Variants in DNAJC1 observed in about 807,000 individuals in gnomAD.
DNAJC1 encodes the protein dnaJ homolog subfamily C member 1.
A neutral mutation model predicts 76.6 loss-of-function variants in DNAJC1; 58 were observed. The observed-to-expected ratio is 0.76, with a 90% CI of 0.61 to 0.94. The LOEUF is 0.94. Among genes scored for constraint, DNAJC1 ranks in the 40% least tolerant of loss-of-function variants. The pLI, the probability that DNAJC1 is intolerant of heterozygous loss-of-function variation, is 0.00. For synonymous variants in DNAJC1, 258 were observed against 267.9 expected (o/e 0.96, Z 0.36); for missense variants, 689 against 677.3 (o/e 1.02, Z -0.19).
At chr10:21,958,370 T>C (rs1174891206) in intron 1 of DNAJC1, among the ~76,000 whole-genome samples, 1 of 152,164 alleles carries the variant, frequency 6.6e-6, no homozygotes, top group African/African-American at 2.4e-5. Context: ...CACGATAATC[T>C]AGTTTTAGAA....
At chr10:21,850,443 C>T (rs1264254471) in intron 8 of DNAJC1, among the ~76,000 whole-genome samples, 1 of 151,434 alleles carries the variant, frequency 6.6e-6, no homozygotes, top group East Asian at 2.0e-4. Context: ...AATTACAAAA[C>T]ACTGCTGAAA....
chr10:22,003,623 C>G lies in DNAJC1; in HGVS notation c.-189G>C. ...CGGCGGGAGCCGGCTGCCGGACGGGCGGGTGGGTAGGCGGGCGGGGCCGCA... is the reference window on the plus strand; with the variant it reads ...CGGCGGGAGCCGGCTGCCGGACGGGGGGGTGGGTAGGCGGGCGGGGCCGCA... On this transcript the variant is annotated 5_prime_UTR_variant, in exon 1 of 12. Coordinates refer to ENST00000376980, the MANE Select transcript of DNAJC1 (RefSeq NM_022365.4). The G allele has an allele frequency of 8.2e-6, 4 of 489,436 alleles. No individual in the cohort carries two copies. Among genetic ancestry groups the G allele is most frequent in the Non-Finnish European group, 1.2e-5 (4 of 321,944 alleles). 30.3% of individuals were successfully genotyped at this position (489,436 alleles called of 1,614,324 possible).
In DNAJC1 at chr10:21,883,251, A is replaced by AACACACACACACACACACAC. The variant is rs3032395; in HGVS notation, c.821-832_821-813dup. Among the ~76,000 whole-genome samples, 195 of 129,018 alleles carry AACACACACACACACACACAC rather than the reference A, an allele frequency of 1.5e-3. 4 individuals are homozygous for AACACACACACACACACACAC. Among genetic ancestry groups the AACACACACACACACACACAC allele is most frequent in the Middle Eastern group, 4.0e-3 (1 of 248 alleles). 84.6% of individuals were successfully genotyped at this position (129,018 alleles called of 152,430 possible). On this transcript the variant is annotated intron_variant, in intron 7 of 11. Transcript: ENST00000376980. Reference sequence around the variant, plus strand: ...GGTGACAGAGTGAGATTCTATCTCAAACACACACACACACACACACACACA... The same window carrying AACACACACACACACACACAC: ...GGTGACAGAGTGAGATTCTATCTCAAACACACACACACACACACACACACACACACACACACACACACACA...
chr10:21,900,656 T>G (rs1379251783), intron 7 of DNAJC1, among the ~76,000 whole-genome samples: 1 of 152,204 alleles, frequency 6.6e-6, no homozygotes, highest in African/African-American at 2.4e-5. Context: ...TCTGCCTACA[T>G]ATAAACTGTT....
intron 8 of DNAJC1, among the ~76,000 whole-genome samples, chr10:21,813,216 CTCTCTA>C (rs1446586307): frequency 6.2e-3 from 220 of 35,450 alleles, no homozygotes; most frequent in East Asian, 7.9e-3. Flanking sequence ...CTCTCTCTCT[CTCTCTA>C]TATATATATA....
rs759864306 is a variant in DNAJC1, at chr10:21,806,035, C to T, written c.1043G>A (p.Gly348Glu). 2 of 1,611,872 alleles carry T rather than the reference C, an allele frequency of 1.2e-6. No individual in the cohort carries two copies. Among genetic ancestry groups the T allele is most frequent in the Admixed American group, 1.7e-5 (1 of 59,902 alleles). Residue 348 changes from glycine (G) to glutamate (E), a missense_variant, in exon 9 of 12, where the codon GGG becomes GAG. Coordinates refer to ENST00000376980, the MANE Select transcript of DNAJC1 (RefSeq NM_022365.4). ...LTRSMVKFPG[G>E]TPGRWEKIAH... Reference sequence around the variant, plus strand: ...AATCTTTTCCCATCGACCTGGAGTCCCTCCTGGGAACTTAACCATACTTCT... The same window carrying T: ...AATCTTTTCCCATCGACCTGGAGTCTCTCCTGGGAACTTAACCATACTTCT...
intron 3 of DNAJC1, among the ~76,000 whole-genome samples, chr10:21,927,465 T>G (rs1162104212): frequency 2.6e-5 from 4 of 152,216 alleles, no homozygotes; most frequent in African/African-American, 9.6e-5. Context: ...TTTGCCTAAA[T>G]GTCAAATAGC....
chr10:21,775,850 A>G (rs904832659), intron 9 of DNAJC1, among the ~76,000 whole-genome samples: 9 of 152,110 alleles, frequency 5.9e-5, no homozygotes, highest in African/African-American at 2.2e-4. Context: ...TATCTGAGGA[A>G]CTAATATTGT....
chr10:21,800,824 A>T (rs1481514951), intron 9 of DNAJC1, among the ~76,000 whole-genome samples: 1 of 152,226 alleles, frequency 6.6e-6, no homozygotes, highest in Non-Finnish European at 1.5e-5. Flanking sequence ...TTAGAAAAAA[A>T]TTTAGCTTAA....
chr10:21,792,522 T>G (rs1266822523), intron 9 of DNAJC1, among the ~76,000 whole-genome samples: 1 of 151,996 alleles, frequency 6.6e-6, no homozygotes, highest in African/African-American at 2.4e-5. Context: ...TTTGGGAGGC[T>G]GAGGTGGGCG....
At chr10:21,998,673 C>T (rs2131853895) in intron 1 of DNAJC1, among the ~76,000 whole-genome samples, 1 of 152,086 alleles carries the variant, frequency 6.6e-6, no homozygotes, top group Admixed American at 6.5e-5. Flanking sequence ...TGTATATACC[C>T]CCCAACAAAG....
chr10:21,813,220 C>CTCTATATATA (rs1438462566), intron 8 of DNAJC1, among the ~76,000 whole-genome samples: 3 of 19,086 alleles, frequency 1.6e-4, no homozygotes, highest in African/African-American at 2.6e-4. Context: ...CTCTCTCTCT[C>CTCTATATATA]TATATATATA....
intron 8 of DNAJC1, among the ~76,000 whole-genome samples, chr10:21,821,887 G>GA (rs1416778844): frequency 6.6e-6 from 1 of 150,752 alleles, no homozygotes; most frequent in Admixed American, 6.6e-5. Flanking sequence ...TAAAAGGATT[G>GA]AAAAAATGTA....
chr10:21,814,682 C>T (rs989944726), intron 8 of DNAJC1, among the ~76,000 whole-genome samples: 4 of 152,096 alleles, frequency 2.6e-5, no homozygotes, highest in African/African-American at 9.7e-5. Flanking sequence ...TTCATCCTTT[C>T]AGGGAGATCT....
chr10:21,855,973 T>C (rs548115076), intron 8 of DNAJC1, among the ~76,000 whole-genome samples: 9 of 151,936 alleles, frequency 5.9e-5, no homozygotes, highest in African/African-American at 1.9e-4. Flanking sequence ...AAGCAGAAAA[T>C]AGGTTGGTGT....
At chr10:21,834,655 G>A (rs780175017) in intron 8 of DNAJC1, among the ~76,000 whole-genome samples, 5 of 152,146 alleles carry the variant, frequency 3.3e-5, no homozygotes, top group Admixed American at 6.5e-5. Context: ...CTTAAAAAAC[G>A]GCACACCAGG....
chr10:21,758,284 C>T (rs1185364801), intron 11 of DNAJC1, among the ~76,000 whole-genome samples: 4 of 152,150 alleles, frequency 2.6e-5, no homozygotes, highest in Non-Finnish European at 4.4e-5. Flanking sequence ...CGGAAGAGAT[C>T]GGGGCTTTTG....
chr10:21,979,233 T>G (rs966001938), intron 1 of DNAJC1, among the ~76,000 whole-genome samples: 2 of 152,032 alleles, frequency 1.3e-5, no homozygotes, highest in African/African-American at 4.8e-5. Flanking sequence ...CTTCAAGAAC[T>G]TCTATGGTTT....
At chr10:21,810,061 C>T (rs1834940059) in intron 8 of DNAJC1, among the ~76,000 whole-genome samples, 1 of 152,028 alleles carries the variant, frequency 6.6e-6, no homozygotes, top group Non-Finnish European at 1.5e-5. Flanking sequence ...CTTCATTAGC[C>T]TTAATTATCT....
Sources: allele counts gnomAD v4.1 joint callset (sites outside exome capture counted in the v4.1 genomes callset), GRCh38; gene constraint gnomAD v4.1.1; transcripts MANE v1.5; gene names NCBI Gene and HGNC (gene_info 2026-07-23, HGNC 2026-07-21).